IPO11: variants seen among roughly 807,000 people sequenced by gnomAD.
The protein encoded by IPO11 is importin-11.
IPO11 carries 66 observed loss-of-function variants against 143.2 expected under a neutral mutation model. The ratio of observed to expected loss-of-function variants is 0.46; its 90% CI spans 0.38 to 0.57. The LOEUF (loss-of-function observed/expected upper bound fraction) is 0.57, where lower values mean the gene tolerates loss of function less well. Ranked by LOEUF, IPO11 falls within the 20% of genes least tolerant of loss-of-function variation. The pLI is 0.00. For synonymous variants in IPO11, 385 were observed against 377.8 expected, an observed-to-expected ratio of 1.02 and a Z score of -0.22; for missense variants, 1,026 against 1,141.0, an observed-to-expected ratio of 0.90 and a Z score of 1.45.
intron 11 of IPO11, 152 bp from the exon 12 acceptor site, chr5:62,485,267 A>G (rs914802268): frequency 1.2e-4 from 72 of 595,774 alleles, no homozygotes; most frequent in Non-Finnish European, 1.6e-4. Context: ...AGCATATAGT[A>G]ACAAAATCTG....
At chr5:62,430,135 G>A (rs1243305487) in intron 1 of IPO11, among the ~76,000 whole-genome samples, 1 of 152,156 alleles carries the variant, frequency 6.6e-6, no homozygotes, top group Non-Finnish European at 1.5e-5. Context: ...GAATAATGTT[G>A]CAGTGAATAT....
chr5:62,581,227 T>C, intron 27 of IPO11: 1 of 1,546,880 alleles, frequency 6.5e-7, no homozygotes, highest in Non-Finnish European at 8.7e-7. Flanking sequence ...AAGTCCTGGC[T>C]TGGAGCAGAT....
At position 62,485,320 on chromosome 5, in the gene IPO11, T is replaced by A. The variant is rs1746359523; in HGVS notation, c.1175-99T>A. On this transcript the variant is annotated intron_variant, in intron 11 of 29. Transcript: ENST00000325324. ...CAAGGCTTTGCTCTTAATGTTATGTTTAAAAGAGTTCACAAAAATATTATA... is the reference window on the plus strand; with the variant it reads ...CAAGGCTTTGCTCTTAATGTTATGTATAAAAGAGTTCACAAAAATATTATA... The A allele has an allele frequency of 8.6e-6, 8 of 934,510 alleles. No homozygotes were observed. The South Asian group carries it at 1.0e-4, about 12-fold the overall frequency. The allele number at this position is 934,510 out of a possible 1,614,324, so 57.9% of individuals were successfully genotyped here.
At chr5:62,483,439 CT>C (rs1426163121) in intron 10 of IPO11, 146 bp downstream of exon 10, 7 of 577,376 alleles carry the variant, frequency 1.2e-5, no homozygotes, top group Non-Finnish European at 1.8e-5. Context: ...GGATTATAGG[CT>C]TTAGTATGTT....
chr5:62,463,683 A>AG (rs957106021), intron 5 of IPO11, among the ~76,000 whole-genome samples: 10 of 151,902 alleles, frequency 6.6e-5, no homozygotes, highest in African/African-American at 2.4e-4. Flanking sequence ...AAAAAAAAAA[A>AG]AAAGTTTAAA....
At chr5:62,435,108 A>G (rs62375038) in intron 1 of IPO11, among the ~76,000 whole-genome samples, 3,301 of 54,778 alleles carry the variant, frequency 0.06, 278 homozygotes, top group African/African-American at 0.15. Flanking sequence ...ATGTATATAT[A>G]TGTATATATG....
chr5:62,595,856 C>T (rs928797388), intron 28 of IPO11, among the ~76,000 whole-genome samples: 4 of 151,792 alleles, frequency 2.6e-5, no homozygotes, highest in African/African-American at 4.8e-5. Context: ...TTCTGCTTGT[C>T]TGGTTAGAGT....
At chr5:62,428,153 C>CT (rs1170540583) in intron 1 of IPO11, among the ~76,000 whole-genome samples, 1 of 151,862 alleles carries the variant, frequency 6.6e-6, no homozygotes, top group Admixed American at 6.6e-5. Context: ...ATTTCTTGAT[C>CT]TTTTTGGCCC....
chr5:62,616,587 G>A (rs940729203), intron 29 of IPO11, among the ~76,000 whole-genome samples: 1 of 151,922 alleles, frequency 6.6e-6, no homozygotes, highest in Admixed American at 6.6e-5. Flanking sequence ...GGGCACGGTG[G>A]CATGCCCCTG....
At chr5:62,554,915 A>AT (rs1472585606) in intron 26 of IPO11, among the ~76,000 whole-genome samples, 3 of 152,156 alleles carry the variant, frequency 2.0e-5, no homozygotes, top group Non-Finnish European at 4.4e-5. Context: ...AGGTTTCACC[A>AT]TTTTGGCCAG....
At chr5:62,483,342 G>A in intron 10 of IPO11, 49 bp downstream of exon 10, 1 of 1,094,380 alleles carries the variant, frequency 9.1e-7, no homozygotes, top group Non-Finnish European at 1.3e-6. Context: ...TCTTAAGTGT[G>A]ATATAATTGC....
chr5:62,602,890 G>A (rs764128190), intron 29 of IPO11, among the ~76,000 whole-genome samples: 7 of 152,070 alleles, frequency 4.6e-5, no homozygotes, highest in African/African-American at 7.2e-5. Flanking sequence ...TTGTAGATCC[G>A]TTTGCCTCAT....
intron 12 of IPO11, among the ~76,000 whole-genome samples, chr5:62,487,097 T>G (rs1746433982): frequency 6.6e-6 from 1 of 152,186 alleles, no homozygotes; most frequent in Non-Finnish European, 1.5e-5. Context: ...ACATGAGATG[T>G]TTTGATACCA....
intron 2 of IPO11, among the ~76,000 whole-genome samples, chr5:62,438,707 G>A (rs560997696): frequency 7.3e-5 from 11 of 150,568 alleles, no homozygotes; most frequent in South Asian, 6.3e-4. Context: ...AGCTGAGATC[G>A]TGCCATTGTA....
At chr5:62,514,482 C>T (rs1297801585) in intron 19 of IPO11, among the ~76,000 whole-genome samples, 8 of 151,708 alleles carry the variant, frequency 5.3e-5, no homozygotes, top group African/African-American at 1.9e-4. Context: ...ATCGCAGGCA[C>T]TTGGCAGGCT....
At chr5:62,540,448 T>A (rs1041694975) in intron 24 of IPO11, among the ~76,000 whole-genome samples, 2 of 152,214 alleles carry the variant, frequency 1.3e-5, no homozygotes, top group African/African-American at 2.4e-5. Flanking sequence ...CTTACCCCCA[T>A]CCCCCTCTTT....
chr5:62,513,421 C>G (rs1369002839), intron 19 of IPO11, among the ~76,000 whole-genome samples: 1 of 141,624 alleles, frequency 7.1e-6, no homozygotes, highest in Admixed American at 6.9e-5. Flanking sequence ...CTGACCCCCC[C>G]CCCACCTCCC....
intron 16 of IPO11, among the ~76,000 whole-genome samples, chr5:62,500,307 C>T (rs1349390632): frequency 1.3e-5 from 2 of 152,048 alleles, no homozygotes; most frequent in Admixed American, 6.6e-5. Flanking sequence ...ACAAAAAATG[C>T]CTTCTCCTGT....
chr5:62,537,548 A>T (rs553617403), intron 24 of IPO11, among the ~76,000 whole-genome samples: 1 of 152,254 alleles, frequency 6.6e-6, no homozygotes, highest in Admixed American at 6.5e-5. Flanking sequence ...GTCTGAACTG[A>T]TTGGGATGTT....
Sources: allele counts gnomAD v4.1 joint callset (sites outside exome capture counted in the v4.1 genomes callset), GRCh38; gene constraint gnomAD v4.1.1; transcripts MANE v1.5; gene names NCBI Gene and HGNC (gene_info 2026-07-23, HGNC 2026-07-21).